RUSC2: variants seen among roughly 807,000 people sequenced by gnomAD.
The protein encoded by RUSC2 is RUN and SH3 domain containing 2, also known as AP-4 complex accessory subunit RUSC2.
A neutral mutation model predicts 122.2 loss-of-function variants in RUSC2; 34 were observed. The ratio of observed to expected loss-of-function variants is 0.28; its 90% confidence interval spans 0.21 to 0.37. The LOEUF (loss-of-function observed/expected upper bound fraction) is 0.37. Ranked by LOEUF, RUSC2 falls within the 10% of genes least tolerant of loss-of-function variation. The probability of loss-of-function intolerance (pLI) is 1.00; values close to 1 mark genes in which losing one functional copy is unlikely to be tolerated. For synonymous variants in RUSC2, 784 were observed against 790.0 expected (o/e 0.99, Z 0.13); for missense variants, 1,747 against 1,952.4 (o/e 0.89, Z 1.98).
chr9:35,561,443 G>A lies in RUSC2; in HGVS notation c.*61G>A. The A allele has an allele frequency of 7.0e-7, 1 of 1,431,828 alleles. No individual in the cohort carries two copies. The highest frequency in any genetic ancestry group is 1.3e-5 in the South Asian group (1 of 75,214). The allele number at this position is 1,431,828 out of a possible 1,614,324, so 88.7% of individuals were successfully genotyped here. A position where few individuals can be genotyped will look rare whatever the true frequency, so the allele number is the denominator to read the frequency against. On this transcript the variant is annotated 3_prime_UTR_variant, in exon 12 of 12. Coordinates refer to ENST00000361226, the MANE Select transcript of RUSC2 (RefSeq NM_014806.5). ...TAACCCCCAGACTCAGAGCCCGAGA[G>A]CCCTTCCCAAGCCATTGGCTTGGCT...
At chr9:35,493,855 A>G (rs1052597824) in intron 1 of RUSC2, among the ~76,000 whole-genome samples, 3 of 152,054 alleles carry the variant, frequency 2.0e-5, no homozygotes, top group African/African-American at 7.2e-5. Context: ...TGTATACACT[A>G]TATTCTGTTT....
intron 1 of RUSC2, among the ~76,000 whole-genome samples, chr9:35,506,843 G>A (rs1461186287): frequency 6.6e-6 from 1 of 152,204 alleles, no homozygotes; most frequent in African/African-American, 2.4e-5. Flanking sequence ...CAGGCATGGT[G>A]GCTCACACCT....
intron 1 of RUSC2, among the ~76,000 whole-genome samples, chr9:35,493,325 T>A (rs1463972721): frequency 6.6e-6 from 1 of 152,196 alleles, no homozygotes. Flanking sequence ...CATTCTTTTT[T>A]ATGGCTGCAT....
At chr9:35,503,267 C>T (rs994502028) in intron 1 of RUSC2, among the ~76,000 whole-genome samples, 2 of 152,152 alleles carry the variant, frequency 1.3e-5, no homozygotes, top group African/African-American at 4.8e-5. Flanking sequence ...CCACCCCCGC[C>T]GTTACTCCTC....
In RUSC2 at chr9:35,546,396, A is replaced by G. The variant is rs1271328562; in HGVS notation, c.-92-34A>G. 1.6e-6 allele frequency: 1 copy of G among 610,342 alleles called. No homozygotes were observed. The highest frequency in any genetic ancestry group is 6.7e-5 in the South Asian group (1 of 14,956). The allele number at this position is 610,342 out of a possible 1,614,324, so 37.8% of individuals were successfully genotyped here. A position where few individuals can be genotyped will look rare whatever the true frequency, so the allele number is the denominator to read the frequency against. ...CATGCCCCTGACTTCCAGGGAGGTG[A>G]CATTAGGTTCCCTTTCTTTCCCTCT... On this transcript the variant is annotated intron_variant, in intron 1 of 11. Transcript: ENST00000361226. This position sits in a 1 kb window ranked among gnomAD's most constrained non-coding sequence, Gnocchi z 4.3.
At position 35,548,176 on chromosome 9, in the gene RUSC2, A is replaced by G. The variant is rs748168396; in HGVS notation, c.1655A>G (p.Lys552Arg). The G allele has an allele frequency of 8.7e-6, 14 of 1,613,250 alleles. No individual in the cohort carries two copies. In the African/African-American group the frequency reaches 1.7e-4, roughly 20 times the overall value. ...TTTGCCGAGCTGGCCAAGGGCCGGA[A>G]GAAAACTGGAGGCTCTGGCTCGCCC... Reference protein sequence around the residue: ...TSFAELAKGRKKTGGSGSPPL... With the variant: ...TSFAELAKGRRKTGGSGSPPL... The change falls in exon 2 of 12, where the codon AAG becomes AGG. Residue 552 changes from lysine (K) to arginine (R), a missense_variant. By Grantham distance (26) the Lys-to-Arg change is conservative. Coordinates refer to ENST00000361226, the MANE Select transcript of RUSC2 (RefSeq NM_014806.5). This position sits in a 1 kb window ranked among gnomAD's most constrained non-coding sequence, Gnocchi z 4.5.
intron 1 of RUSC2, among the ~76,000 whole-genome samples, chr9:35,527,353 C>CA (rs144837247): frequency 0.016 from 2,360 of 152,042 alleles, 56 homozygotes; most frequent in African/African-American, 0.05. Context: ...TATCTAGTGA[C>CA]AGAGTCTTGC....
At position 35,561,872 on chromosome 9, in the gene RUSC2, T is replaced by A; in HGVS notation, c.*490T>A. On this transcript the variant is annotated 3_prime_UTR_variant, in exon 12 of 12. Coordinates refer to ENST00000361226, the MANE Select transcript of RUSC2 (RefSeq NM_014806.5). ...TTTATTTATTTATTATACCTATTAA[T>A]AAAAAAGGTGCTCAGCCTCCAAACC... is the stretch of plus-strand genomic sequence containing the variant. 1 of 684,198 alleles carries A rather than the reference T, an allele frequency of 1.5e-6. No homozygotes were observed. The highest frequency in any genetic ancestry group is 2.6e-6 in the Non-Finnish European group (1 of 385,752). The allele number at this position is 684,198 out of a possible 1,614,324, so 42.4% of individuals were successfully genotyped here.
In RUSC2 at chr9:35,559,277, T is replaced by C. The variant is rs371986669; in HGVS notation, c.3388+5T>C. The C allele has an allele frequency of 3.7e-6, 6 of 1,611,298 alleles. No homozygotes were observed. Among genetic ancestry groups the C allele is most frequent in the African/African-American group, 2.7e-5 (2 of 74,862 alleles). ...ATCACCTCTATAACCACGAAGGTAA[T>C]GCCTAGAACCCTGCAGGTCAAACTC... On this transcript the variant is annotated splice_donor_5th_base_variant and intron_variant, in intron 9 of 11. Coordinates refer to ENST00000361226, the MANE Select transcript of RUSC2 (RefSeq NM_014806.5).
At chr9:35,528,067 T>C (rs754244308) in intron 1 of RUSC2, among the ~76,000 whole-genome samples, 18 of 152,214 alleles carry the variant, frequency 1.2e-4, no homozygotes, top group Admixed American at 2.0e-4. Context: ...GTCTCCTATA[T>C]ACTGAGAGAC....
rs1354316983 is a variant in RUSC2 at position 35,515,127 on chromosome 9, A to C, written c.-93+24955A>C. On this transcript the variant is annotated intron_variant, in intron 1 of 11. Coordinates refer to ENST00000361226, the MANE Select transcript of RUSC2 (RefSeq NM_014806.5). ...GTGGGGAACTAATTTAATTCAGCTA[A>C]ATTGTTTACAAAATAACAGCTCACA... Among the ~76,000 whole-genome samples, 3 of 152,216 alleles carry C rather than the reference A, an allele frequency of 2.0e-5. No homozygotes were observed. In the East Asian group the frequency reaches 5.8e-4, roughly 29 times the overall value.
intron 1 of RUSC2, among the ~76,000 whole-genome samples, chr9:35,492,754 C>G (rs1402727948): frequency 6.6e-6 from 1 of 151,970 alleles, no homozygotes; most frequent in Non-Finnish European, 1.5e-5. Flanking sequence ...TATTGTACAA[C>G]CATTACTGAT....
chr9:35,503,151 C>G (rs140788493), intron 1 of RUSC2, among the ~76,000 whole-genome samples: 2 of 152,108 alleles, frequency 1.3e-5, no homozygotes, highest in Non-Finnish European at 2.9e-5. Flanking sequence ...CGTGAGCCAC[C>G]GCACCCAGCC....
Position 35,524,949 on chromosome 9 carries a change from G to C in RUSC2, c.-92-21481G>C, listed in dbSNP as rs142322101. On this transcript the variant is annotated intron_variant, in intron 1 of 11. Transcript: ENST00000361226. The stretch of plus-strand genomic sequence containing the variant: ...TCGCACCACTGCACTCCAGCCTGGG[G>C]GACAGAGCGAGACTCCATCTCAAAA... Among the ~76,000 whole-genome samples the C allele has an allele frequency of 6.7e-3, 1,015 of 151,452 alleles. 9 individuals are homozygous for C. The highest frequency in any genetic ancestry group is 0.024 in the Middle Eastern group (7 of 294).
intron 1 of RUSC2, among the ~76,000 whole-genome samples, chr9:35,542,305 A>T (rs1821657126): frequency 6.6e-6 from 1 of 152,242 alleles, no homozygotes. Context: ...TAAAAGCTAC[A>T]ACTATACAGC....
intron 2 of RUSC2, among the ~76,000 whole-genome samples, chr9:35,554,309 C>T (rs969441667): frequency 6.6e-6 from 1 of 152,198 alleles, no homozygotes; most frequent in African/African-American, 2.4e-5. Context: ...GGGGAACATA[C>T]CTCCGTTCAG....
chr9:35,500,271 CAAAG>C (rs1402857629), intron 1 of RUSC2, among the ~76,000 whole-genome samples: 2 of 124,064 alleles, frequency 1.6e-5, no homozygotes, highest in African/African-American at 6.0e-5. Flanking sequence ...AGATGACAGG[CAAAG>C]AGAGAGAGAG....
At position 35,547,686 on chromosome 9, in the gene RUSC2, C is replaced by A. The variant is rs1564264117; in HGVS notation, c.1165C>A (p.Leu389Ile). Residue 389 changes from leucine (L) to isoleucine (I), a missense_variant, in exon 2 of 12, where the codon CTT becomes ATT. Coordinates refer to ENST00000361226, the MANE Select transcript of RUSC2 (RefSeq NM_014806.5). This position sits in a 1 kb window ranked among gnomAD's most constrained non-coding sequence, Gnocchi z 4.6. ...LTACFQSQAR[L>I]VVATQNYYKL... is the part of the protein sequence containing the mutation. ...AGCCTGCTTCCAAAGCCAGGCCCGT[C>A]TTGTTGTGGCCACACAAAATTACTA... 19 of 1,614,212 alleles carry A rather than the reference C, an allele frequency of 1.2e-5. No individual in the cohort carries two copies. Among genetic ancestry groups the A allele is most frequent in the Non-Finnish European group, 1.6e-5 (19 of 1,180,040 alleles).
chr9:35,547,624 C>T lies in RUSC2; in HGVS notation c.1103C>T (p.Pro368Leu). 1 of 1,614,218 alleles carries T rather than the reference C, an allele frequency of 6.2e-7. No individual in the cohort carries two copies. The highest frequency in any genetic ancestry group is 8.5e-7 in the Non-Finnish European group (1 of 1,180,042). The part of the protein sequence containing the change: ...ELDANCNSYR[P>L]HCEPCPAVAD... Reference sequence around the variant, plus strand: ...GATGCCAACTGCAACTCCTACCGCCCACACTGTGAGCCGTGCCCAGCAGTG... The same window carrying T: ...GATGCCAACTGCAACTCCTACCGCCTACACTGTGAGCCGTGCCCAGCAGTG... The change falls in exon 2 of 12, where the codon CCA (proline) becomes CTA (leucine). Residue 368 changes from proline (P) to leucine (L), a missense_variant. Physicochemically the swap from Pro to Leu is moderately conservative, Grantham distance 98 (BLOSUM62 -3). Coordinates refer to ENST00000361226, the MANE Select transcript of RUSC2 (RefSeq NM_014806.5). This position sits in a 1 kb window ranked among gnomAD's most constrained non-coding sequence, Gnocchi z 4.6.
Sources: gnomAD v4.1 joint callset for allele counts (sites outside exome capture counted in the v4.1 genomes callset) on GRCh38, gnomAD v4.1.1 for gene constraint, Gnocchi (gnomAD v3.1) non-coding constraint, MANE v1.5 for transcripts, NCBI Gene and HGNC (gene_info 2026-07-23, HGNC 2026-07-21) for gene names.